The following HDAC9 variants were observed in gnomAD, a reference collection of about 807,000 sequenced individuals.
HDAC9 encodes the protein histone deacetylase 9, also known as MEF-2 interacting transcription repressor (MITR) protein.
In HDAC9, 41 loss-of-function variants were observed where a neutral mutation model predicts 139.4. That is an observed-to-expected ratio of 0.29 (90% confidence interval 0.23 to 0.38). The LOEUF (loss-of-function observed/expected upper bound fraction) is 0.38. HDAC9 is among the 10% of genes least tolerant of loss of function. HDAC9 has a pLI of 1.00. For synonymous variants in HDAC9, 517 were observed against 476.2 expected, an observed-to-expected ratio of 1.09 and a Z score of -1.12; for missense variants, 1,147 against 1,297.0, an observed-to-expected ratio of 0.88 and a Z score of 1.78.
chr7:18,680,688 G>A (rs1781833786), intron 12 of HDAC9, among the ~76,000 whole-genome samples: 1 of 151,952 alleles, frequency 6.6e-6, no homozygotes, highest in African/African-American at 2.4e-5. Context: ...TTTGTGTGTG[G>A]CCAGGCAGTG....
intron 2 of HDAC9, among the ~76,000 whole-genome samples, chr7:18,202,553 G>T (rs536016172): frequency 6.6e-6 from 1 of 152,158 alleles, no homozygotes; most frequent in African/African-American, 2.4e-5. Flanking sequence ...TAGGTTGAGG[G>T]CCATTTAGAT....
intron 22 of HDAC9, among the ~76,000 whole-genome samples, chr7:18,931,404 A>T (rs1000746024): frequency 5.9e-5 from 9 of 152,204 alleles, no homozygotes; most frequent in Non-Finnish European, 8.8e-5. Flanking sequence ...AAAAACTAAA[A>T]TGCTTGATAA....
intron 1 of HDAC9, among the ~76,000 whole-genome samples, chr7:18,150,458 C>G (rs1786692353): frequency 6.6e-6 from 1 of 152,118 alleles, no homozygotes; most frequent in Non-Finnish European, 1.5e-5. Context: ...ATACACACTG[C>G]AATATTATCT....
At chr7:18,616,051 C>T (rs75259870) in intron 6 of HDAC9, among the ~76,000 whole-genome samples, 55 of 152,248 alleles carry the variant, frequency 3.6e-4, no homozygotes, top group African/African-American at 1.3e-3. Context: ...GCTGTCCCAT[C>T]CTCGTGGCCA....
intron 2 of HDAC9, among the ~76,000 whole-genome samples, chr7:18,549,347 A>T (rs781612580): frequency 6.6e-6 from 1 of 152,254 alleles, no homozygotes. Flanking sequence ...TATTGTGCAC[A>T]GTTGTTCACT....
chr7:18,890,545 A>T (rs969367284), intron 22 of HDAC9, among the ~76,000 whole-genome samples: 7 of 152,196 alleles, frequency 4.6e-5, no homozygotes, highest in Admixed American at 1.3e-4. Flanking sequence ...CATTTAGCAA[A>T]CTTCTTCATT....
intron 22 of HDAC9, among the ~76,000 whole-genome samples, chr7:18,926,721 G>T (rs1804261095): frequency 2.0e-5 from 3 of 152,104 alleles, no homozygotes; most frequent in Admixed American, 2.0e-4. Context: ...GAATTTCTGA[G>T]GATCAATTTT....
intron 11 of HDAC9, among the ~76,000 whole-genome samples, chr7:18,664,533 C>T (rs1299947719): frequency 6.6e-6 from 1 of 152,100 alleles, no homozygotes; most frequent in Non-Finnish European, 1.5e-5. Flanking sequence ...ACTCCACTAG[C>T]CTTTTGGTGA....
At chr7:18,277,487 A>C (rs916105806) in intron 2 of HDAC9, among the ~76,000 whole-genome samples, 1 of 152,202 alleles carries the variant, frequency 6.6e-6, no homozygotes, top group African/African-American at 2.4e-5. Flanking sequence ...GCAAGGTGGG[A>C]GGAGGAGGAT....
chr7:18,874,561 C>A lies in HDAC9; in HGVS notation c.2768C>A (p.Thr923Asn). 2 of 1,593,388 alleles carry A rather than the reference C, an allele frequency of 1.3e-6. No individual in the cohort carries two copies. Among genetic ancestry groups the A allele is most frequent in the Non-Finnish European group, 1.7e-6 (2 of 1,168,696 alleles). Residue 923 changes from threonine (T) to asparagine (N), a missense_variant, in exon 22 of 26, where the codon ACC (threonine) becomes AAC (asparagine). Thr to Asn is a moderately conservative substitution (Grantham distance 65). Around this residue, in one of 7 missense-constraint regions of HDAC9, gnomAD observed 407 missense variants for 521.5 expected, o/e 0.78. Transcript: ENST00000686413. ...SAGFDALEGHTPPLGGYKVTA... is the reference protein window; with the variant it reads ...SAGFDALEGHNPPLGGYKVTA... ...GGATTTGATGCATTGGAAGGCCACA[C>A]CCCTCCTCTAGGAGGGTACAAAGTG...
intron 1 of HDAC9, among the ~76,000 whole-genome samples, chr7:18,440,505 A>G (rs1326623590): frequency 6.6e-6 from 1 of 152,014 alleles, no homozygotes; most frequent in Admixed American, 6.6e-5. Context: ...TTTATATTGT[A>G]ATTAAATAGA....
intron 1 of HDAC9, among the ~76,000 whole-genome samples, chr7:18,142,349 C>A (rs1436939986): frequency 2.0e-5 from 3 of 152,052 alleles, no homozygotes; most frequent in Admixed American, 6.6e-5. Context: ...CCCAGGGAGC[C>A]CCTCACTTCT....
In HDAC9 at chr7:19,002,092, G is replaced by T. The variant is rs988256491; in HGVS notation, c.*6030G>T. The stretch of plus-strand genomic sequence containing the variant: ...TAGCATCACCAAGATCTGTCATCCA[G>T]AGCTGCTGAGAAAAATACATGTTGC... On this transcript the variant is annotated 3_prime_UTR_variant, in exon 26 of 26. Transcript: ENST00000686413. 3 of 151,986 alleles carry T rather than the reference G, an allele frequency of 2.0e-5. No individual in the cohort carries two copies. Among genetic ancestry groups the T allele is most frequent in the Non-Finnish European group, 4.4e-5 (3 of 67,940 alleles). The allele number at this position is 151,986 out of a possible 1,614,324, so 9.4% of individuals were successfully genotyped here.
chr7:18,174,863 C>T (rs1399901192), intron 2 of HDAC9, among the ~76,000 whole-genome samples: 1 of 152,126 alleles, frequency 6.6e-6, no homozygotes, highest in Non-Finnish European at 1.5e-5. Flanking sequence ...TATGAGGTGT[C>T]ATTCTGCCCC....
intron 24 of HDAC9, among the ~76,000 whole-genome samples, chr7:18,963,441 A>T (rs903032428): frequency 1.3e-5 from 2 of 152,190 alleles, no homozygotes; most frequent in African/African-American, 4.8e-5. Context: ...CAAATACATA[A>T]ATACATACAT....
At chr7:18,548,854 G>A (rs1400976339) in intron 2 of HDAC9, among the ~76,000 whole-genome samples, 1 of 152,198 alleles carries the variant, frequency 6.6e-6, no homozygotes, top group South Asian at 2.1e-4. Context: ...ATGCTAGTGA[G>A]GATGTGGATA....
At chr7:18,739,767 A>G (rs1036149715) in intron 13 of HDAC9, among the ~76,000 whole-genome samples, 4 of 152,210 alleles carry the variant, frequency 2.6e-5, no homozygotes, top group African/African-American at 9.6e-5. Context: ...CAGAGCTCAA[A>G]TGCCGTGCTG....
intron 1 of HDAC9, among the ~76,000 whole-genome samples, chr7:18,115,986 A>G (rs1434359836): frequency 6.6e-6 from 1 of 152,190 alleles, no homozygotes; most frequent in South Asian, 2.1e-4. Context: ...TTGTATCTCT[A>G]TAGTTTTCTA....
At chr7:18,972,000 A>G (rs771504076) in intron 24 of HDAC9, among the ~76,000 whole-genome samples, 1 of 152,224 alleles carries the variant, frequency 6.6e-6, no homozygotes, top group Non-Finnish European at 1.5e-5. Context: ...TTTGTGGCCT[A>G]GACCTCTCCT....
Sources: allele counts gnomAD v4.1 joint callset (sites outside exome capture counted in the v4.1 genomes callset), GRCh38; gene constraint gnomAD v4.1.1; regional missense constraint gnomAD v4.1.1; transcripts MANE v1.5; gene names NCBI Gene and HGNC (gene_info 2026-07-23, HGNC 2026-07-21).